SLFN12L: variants seen among roughly 807,000 people sequenced by gnomAD.
The protein encoded by SLFN12L is schlafen family member 12-like.
Under a neutral mutation model 34.8 loss-of-function variants are expected in SLFN12L, and 34 were observed. That is an observed-to-expected ratio of 0.98 (90% CI 0.74 to 1.30). The LOEUF (loss-of-function observed/expected upper bound fraction) is 1.30, where lower values mean the gene tolerates loss of function less well. SLFN12L is among the 50% of genes most tolerant of loss of function. The pLI is 0.00. For missense variants in SLFN12L, 703 were observed against 696.2 expected (o/e 1.01, Z -0.11); for synonymous variants, 259 against 247.5 (o/e 1.05, Z -0.44).
intron 2 of SLFN12L, among the ~76,000 whole-genome samples, chr17:35,505,690 C>T (rs1033309278): frequency 6.6e-6 from 1 of 152,142 alleles, no homozygotes. Flanking sequence ...CAAGACCACC[C>T]TTGAACAGTA....
intron 2 of SLFN12L, among the ~76,000 whole-genome samples, chr17:35,488,996 G>T (rs987804792): frequency 6.6e-6 from 1 of 152,122 alleles, no homozygotes; most frequent in East Asian, 1.9e-4. Context: ...CTTGAACCGG[G>T]GAGGCGGAAG....
At chr17:35,476,532 A>C (rs1247534485) in intron 4 of SLFN12L, among the ~76,000 whole-genome samples, 2 of 151,384 alleles carry the variant, frequency 1.3e-5, no homozygotes, top group African/African-American at 4.9e-5. Context: ...GAAGGAAGGA[A>C]GGAGAAAATA....
At chr17:35,483,100 C>A (rs1336410365) in intron 2 of SLFN12L, among the ~76,000 whole-genome samples, 1 of 152,086 alleles carries the variant, frequency 6.6e-6, no homozygotes, top group Non-Finnish European at 1.5e-5. Context: ...ACATTGGCTG[C>A]AGAGAGAAGC....
intron 2 of SLFN12L, among the ~76,000 whole-genome samples, chr17:35,496,313 ACTC>A (rs1473343889): frequency 1.3e-5 from 2 of 152,032 alleles, no homozygotes; most frequent in African/African-American, 4.8e-5. Flanking sequence ...GCGCCACTGC[ACTC>A]CAACTTTGGC....
At chr17:35,532,944 A>T (rs1052364150) in intron 1 of SLFN12L, among the ~76,000 whole-genome samples, 16 of 152,192 alleles carry the variant, frequency 1.1e-4, no homozygotes, top group African/African-American at 3.4e-4. Context: ...TAATTATCAC[A>T]TTATTAAATA....
intron 4 of SLFN12L, among the ~76,000 whole-genome samples, chr17:35,477,052 C>A (rs143824412): frequency 1.1e-4 from 17 of 152,170 alleles, no homozygotes; most frequent in African/African-American, 4.1e-4. Flanking sequence ...TGAAGATGTC[C>A]TGATCCTCTT....
chr17:35,465,534 C>T lies in SLFN12L; in HGVS notation c.*9389G>A, dbSNP rs1913708182. On this transcript the variant is annotated 3_prime_UTR_variant, in exon 5 of 5. Transcript: ENST00000628453. The stretch of plus-strand genomic sequence containing the variant: ...TCCCATTAAAATAGTTAATATGGTT[C>T]AATGTAAGTTAAAATAGGCCCTTGA... Among the ~76,000 whole-genome samples, 1 of 151,472 alleles carries T rather than the reference C, an allele frequency of 6.6e-6. No individual in the cohort carries two copies. The highest frequency in any genetic ancestry group is 1.5e-5 in the Non-Finnish European group (1 of 67,880).
intron 2 of SLFN12L, among the ~76,000 whole-genome samples, chr17:35,486,465 G>A (rs1223512011): frequency 6.6e-6 from 1 of 152,150 alleles, no homozygotes; most frequent in Non-Finnish European, 1.5e-5. Flanking sequence ...CCACCTTATA[G>A]AGGACCGAGC....
chr17:35,477,138 G>A (rs577123501), intron 4 of SLFN12L, among the ~76,000 whole-genome samples: 94 of 152,214 alleles, frequency 6.2e-4, no homozygotes, highest in African/African-American at 2.2e-3. Flanking sequence ...TTTGTTCAAG[G>A]GTCAGTTGTA....
rs1302664295 is a variant in SLFN12L, at chr17:35,473,503, A to C, written c.*1420T>G. Among the ~76,000 whole-genome samples the C allele has an allele frequency of 2.6e-5, 4 of 152,190 alleles. No homozygotes were observed. In the East Asian group the frequency reaches 7.7e-4, roughly 29 times the overall value. On this transcript the variant is annotated 3_prime_UTR_variant, in exon 5 of 5. Transcript: ENST00000628453. ...GCCTTGCATCCCAGGGATGAGGCCC[A>C]CTTGATCGTGGTGGATAAGCTTTTC...
rs577384808 is a variant in SLFN12L at position 35,490,165 on chromosome 17, C to T, written c.87-9970G>A. 13 of 1,606,600 alleles carry T rather than the reference C, an allele frequency of 8.1e-6. No homozygotes were observed. The South Asian group carries it at 1.1e-4, about 14-fold the overall frequency. On this transcript the variant is annotated intron_variant, in intron 2 of 4. Coordinates refer to ENST00000628453, the MANE Select transcript of SLFN12L (RefSeq NM_001363830.2). ...CGCCGCAGGGACCCTCCAGCAGAGC[C>T]GGGCTGCTGCAGCCACCAGCGCTGG...
rs564753255 is a variant in SLFN12L, at chr17:35,472,551, T to G, written c.*2372A>C. 6.6e-6 allele frequency among the ~76,000 whole-genome samples: 1 copy of G among 152,354 alleles called. No individual in the cohort carries two copies. The highest frequency in any genetic ancestry group is 1.9e-4 in the East Asian group (1 of 5,190). ...GTTACTGTAGCCATGTAGTGTAGTT[T>G]GAAGTCAGGTAGCATAATGCCTCCA... On this transcript the variant is annotated 3_prime_UTR_variant, in exon 5 of 5. Transcript: ENST00000628453.
chr17:35,518,349 TGA>T (rs1197661742), intron 2 of SLFN12L, among the ~76,000 whole-genome samples: 1 of 152,074 alleles, frequency 6.6e-6, no homozygotes, highest in East Asian at 1.9e-4. Flanking sequence ...GTCAGGAGTT[TGA>T]GACCACCCTG....
At chr17:35,495,534 A>G (rs1001105472) in intron 2 of SLFN12L, among the ~76,000 whole-genome samples, 7 of 152,178 alleles carry the variant, frequency 4.6e-5, no homozygotes, top group African/African-American at 1.4e-4. Context: ...TCCAGGACAC[A>G]GGCCAAAACA....
chr17:35,485,989 C>CT (rs1914566523), intron 2 of SLFN12L, among the ~76,000 whole-genome samples: 1 of 152,150 alleles, frequency 6.6e-6, no homozygotes, highest in South Asian at 2.1e-4. Flanking sequence ...TATTCAGGCT[C>CT]TTTTTTGGTT....
chr17:35,488,095 G>T (rs1425487483), intron 2 of SLFN12L, among the ~76,000 whole-genome samples: 1 of 152,204 alleles, frequency 6.6e-6, no homozygotes, highest in East Asian at 1.9e-4. Flanking sequence ...TGTAGTCCCA[G>T]CTACTCGGGA....
intron 1 of SLFN12L, among the ~76,000 whole-genome samples, chr17:35,530,523 A>AG (rs2072399045): frequency 2.3e-5 from 1 of 43,838 alleles, no homozygotes; most frequent in Admixed American, 2.0e-4. Context: ...AAAAGAAAAG[A>AG]AAAGAAAAGA....
chr17:35,478,153 A>G lies in SLFN12L; in HGVS notation c.1198T>C (p.Ser400Pro), dbSNP rs117580717. The part of the protein sequence containing the change: ...CEELPSPAST[S>P]SPVSQSYPLR... The stretch of plus-strand genomic sequence containing the variant: ...GGATAACTCTGGGAGACAGGTGATG[A>G]TGTACTTGCTGGAGAGGGCAGTTCC... The change falls in exon 4 of 5, where the codon TCA (serine) becomes CCA (proline). Residue 400 changes from serine (S) to proline (P), a missense_variant. Coordinates refer to ENST00000628453, the MANE Select transcript of SLFN12L (RefSeq NM_001363830.2). 14,120 of 1,542,224 alleles carry G rather than the reference A, an allele frequency of 9.2e-3. 108 individuals are homozygous for G. The highest frequency in any genetic ancestry group is 0.011 in the Non-Finnish European group (12,285 of 1,138,864).
At chr17:35,531,638 T>C (rs1204177119) in intron 1 of SLFN12L, among the ~76,000 whole-genome samples, 1 of 152,032 alleles carries the variant, frequency 6.6e-6, no homozygotes, top group Non-Finnish European at 1.5e-5. Flanking sequence ...ATTTTTGAGA[T>C]GGAGTTTCAC....
Sources: allele counts gnomAD v4.1 joint callset (sites outside exome capture counted in the v4.1 genomes callset), GRCh38; gene constraint gnomAD v4.1.1; transcripts MANE v1.5; gene names NCBI Gene and HGNC (gene_info 2026-07-23, HGNC 2026-07-21).